The following COX4I1 variants were observed in gnomAD, a reference collection of about 807,000 sequenced individuals.
COX4I1 encodes the protein cytochrome c oxidase subunit 4I1.
A neutral mutation model predicts 21.7 loss-of-function variants in COX4I1; 18 were observed. That is an observed-to-expected ratio of 0.83 (90% CI 0.57 to 1.23). The LOEUF is 1.23. COX4I1 is among the 50% of genes most tolerant of loss of function. COX4I1 has a pLI of 0.00. For missense variants in COX4I1, 238 were observed against 220.7 expected, an observed-to-expected ratio of 1.08 and a Z score of -0.50; for synonymous variants, 100 against 81.5, an observed-to-expected ratio of 1.23 and a Z score of -1.23.
At chr16:85,806,574 G>C (rs745523031) in intron 4 of COX4I1, 164 bp from the exon 5 acceptor site, 2 of 958,298 alleles carry the variant, frequency 2.1e-6, no homozygotes, top group Non-Finnish European at 3.3e-6. Context: ...TAAAATGTCA[G>C]TGTTGTCAGT....
chr16:85,803,679 C>T (rs1411585609), intron 2 of COX4I1: 1 of 152,214 alleles, frequency 6.6e-6, no homozygotes, highest in African/African-American at 2.4e-5. Flanking sequence ...TCAGATCTTC[C>T]TCCTTCCTAC....
chr16:85,805,480 A>G (rs1906116727), intron 3 of COX4I1: 1 of 580,358 alleles, frequency 1.7e-6, no homozygotes, highest in Non-Finnish European at 3.0e-6. Context: ...TTCAAGTAAG[A>G]AATAATTTTG....
At chr16:85,801,627 T>A (rs1351416709) in intron 2 of COX4I1, among the ~76,000 whole-genome samples, 1 of 152,088 alleles carries the variant, frequency 6.6e-6, no homozygotes, top group Non-Finnish European at 1.5e-5. Flanking sequence ...CCCAACCATT[T>A]GCATCACCTC....
intron 2 of COX4I1, chr16:85,802,924 C>T (rs1017799908): frequency 5.9e-5 from 9 of 152,226 alleles, no homozygotes; most frequent in African/African-American, 9.6e-5. Flanking sequence ...ATAGCTTTTT[C>T]CCCCCAGTCT....
At chr16:85,805,677 A>G in intron 3 of COX4I1, 56 bp from the exon 4 acceptor site, 1 of 1,604,656 alleles carries the variant, frequency 6.2e-7, no homozygotes, top group South Asian at 1.1e-5. Context: ...TGAATGTTGC[A>G]GAGGAGGGAG....
intron 1 of COX4I1, among the ~76,000 whole-genome samples, chr16:85,800,435 A>C (rs1024733393): frequency 6.6e-6 from 1 of 152,246 alleles, no homozygotes; most frequent in East Asian, 1.9e-4. Flanking sequence ...AGCCTTCTCC[A>C]ATTTCCCCTT....
intron 2 of COX4I1, among the ~76,000 whole-genome samples, chr16:85,801,909 A>T (rs1422050639): frequency 6.6e-6 from 1 of 152,076 alleles, no homozygotes; most frequent in African/African-American, 2.4e-5. Context: ...GCTGTTTGCA[A>T]TCTGAAGAGG....
chr16:85,804,407 A>C (rs1906003617), intron 2 of COX4I1: 1 of 152,376 alleles, frequency 6.6e-6, no homozygotes, highest in Non-Finnish European at 1.5e-5. Flanking sequence ...ACCAGGCTGG[A>C]GTGCAGCGGT....
chr16:85,801,180 G>C (rs757079313), intron 1 of COX4I1, 25 bp from the exon 2 acceptor site: 2 of 1,583,664 alleles, frequency 1.3e-6, no homozygotes, highest in Non-Finnish European at 8.7e-7. Flanking sequence ...TATTCATAGA[G>C]AAGGTGTACA....
intron 2 of COX4I1, among the ~76,000 whole-genome samples, chr16:85,802,300 G>A (rs533437456): frequency 1.3e-4 from 20 of 152,176 alleles, no homozygotes; most frequent in Non-Finnish European, 2.2e-4. Flanking sequence ...GAAGCTCCCT[G>A]TCACCTCACC....
In COX4I1 at chr16:85,806,680, T is replaced by C. The variant is rs192240462; in HGVS notation, c.374-58T>C. The C allele has an allele frequency of 3.7e-6, 6 of 1,613,794 alleles. No homozygotes were observed. In the Admixed American group the frequency reaches 5.0e-5, roughly 13 times the overall value. ...GGGAGGATTTAACCTGTGTGAGGGATTGGCCTAGAAACAACCTGTTGAGAT... is the reference window on the plus strand; with the variant it reads ...GGGAGGATTTAACCTGTGTGAGGGACTGGCCTAGAAACAACCTGTTGAGAT... On this transcript the variant is annotated intron_variant, in intron 4 of 4. Transcript: ENST00000253452.
Position 85,807,010 on chromosome 16 carries a change from T to C in COX4I1, c.*136T>C. On this transcript the variant is annotated 3_prime_UTR_variant, in exon 5 of 5. Transcript: ENST00000253452. ...TGACCAGTTTACCTGAAACCCTTTGTGATCAGTTCTTTAATGATACCTAAA... is the reference window on the plus strand; with the variant it reads ...TGACCAGTTTACCTGAAACCCTTTGCGATCAGTTCTTTAATGATACCTAAA... The C allele has an allele frequency of 1.1e-6, 1 of 880,832 alleles. No homozygotes were observed. The highest frequency in any genetic ancestry group is 1.7e-6 in the Non-Finnish European group (1 of 583,016). The allele number at this position is 880,832 out of a possible 1,614,324, so 54.6% of individuals were successfully genotyped here.
At chr16:85,800,300 A>C (rs1020350141) in intron 1 of COX4I1, among the ~76,000 whole-genome samples, 38 of 152,292 alleles carry the variant, frequency 2.5e-4, no homozygotes, top group African/African-American at 8.7e-4. Flanking sequence ...AGTCCTCCGA[A>C]GGGTCGATTT....
At position 85,805,822 on chromosome 16, in the gene COX4I1, A is replaced by T. The variant is rs371834112; in HGVS notation, c.331A>T (p.Ile111Phe). The T allele has an allele frequency of 1.2e-6, 2 of 1,614,262 alleles. No homozygotes were observed. Among genetic ancestry groups the T allele is most frequent in the Non-Finnish European group, 1.7e-6 (2 of 1,180,036 alleles). Residue 111 changes from isoleucine to phenylalanine, a missense_variant, in exon 4 of 5, where the codon ATC becomes TTC. Transcript: ENST00000253452. ...KTVVGGAMFF[I>F]GFTALVIMWQ... ...GGTTGTGGGCGGTGCCATGTTCTTC[A>T]TCGGTTTCACCGCGCTCGTTATCAT...
At chr16:85,802,786 T>C (rs922679921) in intron 2 of COX4I1, among the ~76,000 whole-genome samples, 5 of 152,226 alleles carry the variant, frequency 3.3e-5, no homozygotes, top group Admixed American at 3.3e-4. Context: ...TGATTTTCCC[T>C]TAATTGCTGG....
chr16:85,805,392 G>C (rs1906110743), intron 3 of COX4I1: 1 of 514,610 alleles, frequency 1.9e-6, no homozygotes, highest in Admixed American at 3.5e-5. Context: ...ATTATTGAAA[G>C]AAACTCAGCA....
chr16:85,805,909 C>G lies in COX4I1; in HGVS notation c.373+45C>G, dbSNP rs140124307. 7.3e-4 allele frequency: 1,170 copies of G among 1,611,978 alleles called. 10 individuals carry two copies. The African/African-American group carries it at 0.015, about 20-fold the overall frequency. ...GGCATGGGCGCCTGGACTGGGGCTC[C>G]AGCCTGCAGTGCCCATTGGTGGGCT... On this transcript the variant is annotated intron_variant, in intron 4 of 4. Transcript: ENST00000253452.
At chr16:85,804,612 T>C in intron 2 of COX4I1, 1 of 187,738 alleles carries the variant, frequency 5.3e-6, no homozygotes, top group Non-Finnish European at 1.1e-5. Context: ...TGCCTGGGCC[T>C]CCCAAAGTGC....
chr16:85,806,823 C>G lies in COX4I1; in HGVS notation c.459C>G (p.Ile153Met). 6.2e-7 allele frequency: 1 copy of G among 1,614,250 alleles called. No individual in the cohort carries two copies. The highest frequency in any genetic ancestry group is 8.5e-7 in the Non-Finnish European group (1 of 1,180,042). Residue 153 changes from isoleucine (I) to methionine (M), a missense_variant, in exon 5 of 5, where the codon ATC becomes ATG. Ile to Met is a conservative substitution (Grantham distance 10, BLOSUM62 1). Coordinates refer to ENST00000253452, the MANE Select transcript of COX4I1 (RefSeq NM_001861.6). Reference sequence around the variant, plus strand: ...TGCTGGACATGAAGGTGAACCCCATCCAGGGCTTAGCCTCCAAGTGGGACT... The same window carrying G: ...TGCTGGACATGAAGGTGAACCCCATGCAGGGCTTAGCCTCCAAGTGGGACT... ...KRMLDMKVNP[I>M]QGLASKWDYE...
Sources: gnomAD v4.1 joint callset for allele counts (sites outside exome capture counted in the v4.1 genomes callset) on GRCh38, gnomAD v4.1.1 for gene constraint, MANE v1.5 for transcripts, NCBI Gene and HGNC (gene_info 2026-07-23, HGNC 2026-07-21) for gene names.